Variants in PIKFYVE observed in about 807,000 individuals in gnomAD.
PIKFYVE encodes the protein 1-phosphatidylinositol 3-phosphate 5-kinase.
PIKFYVE carries 122 observed loss-of-function variants against 257.9 expected under a neutral mutation model. That is an observed-to-expected ratio of 0.47 (90% CI 0.41 to 0.55). The LOEUF (loss-of-function observed/expected upper bound fraction) is 0.55. Ranked by LOEUF, PIKFYVE falls within the 20% of genes least tolerant of loss-of-function variation. The pLI is 0.00. For synonymous variants in PIKFYVE, 892 were observed against 868.9 expected (o/e 1.03, Z -0.47); for missense variants, 2,160 against 2,536.6 (o/e 0.85, Z 3.19).
At position 208,283,639 on chromosome 2, in the gene PIKFYVE, G is replaced by A. The variant is rs1385963152; in HGVS notation, c.614-2087G>A. ...TGCCCAGGCTGGAGTGCAGTGGCAC[G>A]ACCACAGCTCAGCTCACTGCAGCCT... is the stretch of plus-strand genomic sequence containing the variant. On this transcript the variant is annotated intron_variant, in intron 5 of 41. Transcript: ENST00000264380. Among the ~76,000 whole-genome samples, 5 of 151,742 alleles carry A rather than the reference G, an allele frequency of 3.3e-5. No individual in the cohort carries two copies. The East Asian group carries it at 7.7e-4, about 23-fold the overall frequency.
intron 2 of PIKFYVE, among the ~76,000 whole-genome samples, chr2:208,273,172 A>G (rs544646848): frequency 2.6e-5 from 4 of 152,262 alleles, no homozygotes; most frequent in Non-Finnish European, 5.9e-5. Flanking sequence ...CTGCCTTCAT[A>G]TGAAGCTTGC....
At chr2:208,335,999 A>G in intron 26 of PIKFYVE, 47 bp from the exon 27 acceptor site, 1 of 1,609,458 alleles carries the variant, frequency 6.2e-7, no homozygotes, top group African/African-American at 1.3e-5. Context: ...CTTTTGGGGT[A>G]TGTCTGTATA....
intron 12 of PIKFYVE, among the ~76,000 whole-genome samples, chr2:208,308,100 C>T (rs967940831): frequency 2.0e-5 from 3 of 152,148 alleles, no homozygotes; most frequent in Non-Finnish European, 4.4e-5. Context: ...TTCATCATTT[C>T]AAATCCTTTT....
At chr2:208,333,233 CAAA>C (rs370703596) in intron 23 of PIKFYVE, 79 bp from the exon 24 acceptor site, 25 of 1,113,446 alleles carry the variant, frequency 2.2e-5, no homozygotes, top group South Asian at 4.6e-5. Context: ...GACTCCATCT[CAAA>C]AAAAAAAAAG....
chr2:208,339,471 C>T lies in PIKFYVE; in HGVS notation c.4726C>T (p.Leu1576Phe). ...CCAGAGCTCCACCAGTTCTACTCAT[C>T]TCCAATTGCCTACGCCACCTGAAGT... is the stretch of plus-strand genomic sequence containing the variant. The part of the protein sequence containing the change: ...SSQSSTSSTH[L>F]QLPTPPEVMS... The change falls in exon 30 of 42, where the codon CTC becomes TTC. Residue 1576 changes from leucine (L) to phenylalanine (F), a missense_variant. Leu to Phe is a conservative substitution (Grantham distance 22). This residue lies in a region of PIKFYVE where 699 missense variants were observed against 855.8 expected (regional missense o/e 0.82). Coordinates refer to ENST00000264380, the MANE Select transcript of PIKFYVE (RefSeq NM_015040.4). 6.2e-7 allele frequency: 1 copy of T among 1,614,154 alleles called. No individual in the cohort carries two copies. Among genetic ancestry groups the T allele is most frequent in the Non-Finnish European group, 8.5e-7 (1 of 1,180,006 alleles).
At chr2:208,285,999 T>C in intron 6 of PIKFYVE, 66 bp downstream of exon 6, 1 of 1,463,472 alleles carries the variant, frequency 6.8e-7, no homozygotes, top group South Asian at 1.2e-5. Flanking sequence ...GACCTTTGAG[T>C]GCTTTCAGTT....
At chr2:208,329,803 G>T in intron 21 of PIKFYVE, 39 bp from the exon 22 acceptor site, 1 of 1,605,958 alleles carries the variant, frequency 6.2e-7, no homozygotes, top group South Asian at 1.1e-5. Context: ...TCTGGGGCAT[G>T]GTAATTCTTA....
intron 23 of PIKFYVE, among the ~76,000 whole-genome samples, chr2:208,331,697 G>A (rs895256100): frequency 6.6e-6 from 1 of 152,106 alleles, no homozygotes; most frequent in African/African-American, 2.4e-5. Flanking sequence ...ATTTCAAAGT[G>A]TGCTTTTGGA....
At chr2:208,337,600 G>T (rs545499822) in intron 28 of PIKFYVE, among the ~76,000 whole-genome samples, 91 of 151,776 alleles carry the variant, frequency 6.0e-4, no homozygotes, top group African/African-American at 1.9e-3. Flanking sequence ...TATCTATCTA[G>T]ATAGATAGAT....
intron 19 of PIKFYVE, 60 bp from the exon 20 acceptor site, chr2:208,325,210 A>G (rs1696780993): frequency 8.9e-6 from 14 of 1,570,884 alleles, no homozygotes; most frequent in South Asian, 4.5e-5. Flanking sequence ...AATTAATTCT[A>G]TTTGTACTTC....
In PIKFYVE at chr2:208,271,625, G is replaced by A. The variant is rs759846620; in HGVS notation, c.106G>A (p.Asp36Asn). 2 of 1,614,052 alleles carry A rather than the reference G, an allele frequency of 1.2e-6. No individual in the cohort carries two copies. Among genetic ancestry groups the A allele is most frequent in the Non-Finnish European group, 1.7e-6 (2 of 1,179,972 alleles). ...HLTHFKPLTP[D>N]QDEPPFKSAY... The stretch of plus-strand genomic sequence containing the variant: ...CACACACTTTAAACCTTTGACTCCT[G>A]ATCAAGATGAGCCCCCTTTTAAATC... The change falls in exon 2 of 42, where the codon GAT becomes AAT. Residue 36 changes from aspartate to asparagine, a missense_variant. Asp to Asn is a conservative substitution (Grantham distance 23, BLOSUM62 1). Around this residue, in one of 12 missense-constraint regions of PIKFYVE, gnomAD observed 172 missense variants for 180.6 expected, o/e 0.95. Transcript: ENST00000264380.
chr2:208,285,957 T>C, intron 6 of PIKFYVE, 24 bp downstream of exon 6: 1 of 1,601,208 alleles, frequency 6.2e-7, no homozygotes, highest in Non-Finnish European at 8.6e-7. Flanking sequence ...AATATAATTT[T>C]ATTTAGAGTT....
chr2:208,315,907 G>A (rs1428537580), intron 15 of PIKFYVE, among the ~76,000 whole-genome samples: 2 of 150,114 alleles, frequency 1.3e-5, no homozygotes, highest in Non-Finnish European at 3.0e-5. Flanking sequence ...TAAGTTTTAG[G>A]GTACATGTGC....
chr2:208,347,361 A>C (rs1162506713), intron 34 of PIKFYVE, among the ~76,000 whole-genome samples: 1 of 152,200 alleles, frequency 6.6e-6, no homozygotes, highest in African/African-American at 2.4e-5. Context: ...GAAAGATGCT[A>C]AAAAGGAAAT....
intron 7 of PIKFYVE, among the ~76,000 whole-genome samples, chr2:208,295,642 G>A (rs1019091754): frequency 2.0e-5 from 3 of 152,144 alleles, no homozygotes; most frequent in African/African-American, 7.2e-5. Flanking sequence ...TACTCCATGA[G>A]TGCTACATCC....
In PIKFYVE at chr2:208,289,871, G is replaced by A. The variant is rs1023788741; in HGVS notation, c.911+1053G>A. Among the ~76,000 whole-genome samples the A allele has an allele frequency of 2.6e-5, 4 of 152,224 alleles. No homozygotes were observed. The East Asian group carries it at 7.7e-4, about 29-fold the overall frequency. On this transcript the variant is annotated intron_variant, in intron 7 of 41. Transcript: ENST00000264380. ...GTGTGAGCCACTGCATCTGGCCATC[G>A]TTTTTTATATTGTATATACATGTAT...
intron 1 of PIKFYVE, among the ~76,000 whole-genome samples, chr2:208,268,455 A>C (rs1314726218): frequency 1.4e-5 from 2 of 148,046 alleles, no homozygotes; most frequent in Non-Finnish European, 3.0e-5. Context: ...TCCCTAAATA[A>C]AATAGAGATG....
chr2:208,278,655 G>T (rs1392347175), intron 5 of PIKFYVE, among the ~76,000 whole-genome samples: 1 of 152,040 alleles, frequency 6.6e-6, no homozygotes, highest in Admixed American at 6.6e-5. Context: ...GAGAGCTTGC[G>T]GCATTTGGTT....
chr2:208,331,078 C>T (rs1029438158), intron 23 of PIKFYVE, among the ~76,000 whole-genome samples: 2 of 152,010 alleles, frequency 1.3e-5, no homozygotes, highest in African/African-American at 4.8e-5. Context: ...GGGGAGGAGA[C>T]AGACTTGTAA....
Sources: allele counts gnomAD v4.1 joint callset (sites outside exome capture counted in the v4.1 genomes callset), GRCh38; gene constraint gnomAD v4.1.1; regional missense constraint gnomAD v4.1.1; transcripts MANE v1.5; gene names NCBI Gene and HGNC (gene_info 2026-07-23, HGNC 2026-07-21).